Variants in MAST4 observed in about 807,000 individuals in gnomAD.
MAST4 encodes the protein microtubule associated serine/threonine kinase family member 4.
MAST4 carries 89 observed loss-of-function variants against 162.7 expected under a neutral mutation model. That is an observed-to-expected ratio of 0.55 (90% confidence interval 0.46 to 0.65). The LOEUF is 0.65. Among genes scored for constraint, MAST4 ranks in the 30% least tolerant of loss-of-function variants. The probability of loss-of-function intolerance (pLI) is 0.00; values close to 1 mark genes in which losing one functional copy is unlikely to be tolerated. For missense variants in MAST4, 3,153 were observed against 3,374.0 expected (o/e 0.93, Z 1.62); for synonymous variants, 1,479 against 1,361.1 (o/e 1.09, Z -1.91).
chr5:66,723,279 T>A (rs1003068554), intron 1 of MAST4, among the ~76,000 whole-genome samples: 23 of 152,182 alleles, frequency 1.5e-4, no homozygotes, highest in Non-Finnish European at 2.9e-5. Context: ...GGTTCTTCTT[T>A]CTATTAGTAA....
intron 3 of MAST4, among the ~76,000 whole-genome samples, chr5:66,856,973 A>G (rs1759732967): frequency 6.6e-6 from 1 of 152,236 alleles, no homozygotes; most frequent in Non-Finnish European, 1.5e-5. Flanking sequence ...TTTTCTTCAG[A>G]GAGTACTCTT....
Position 67,095,830 on chromosome 5 carries a change from A to C in MAST4, c.912+155A>C, listed in dbSNP as rs1222918602. ...AAGTGACACATCAAATGATGGCCTG[A>C]CAAAAATAAAAAGGACATACTTTCG... On this transcript the variant is annotated intron_variant, in intron 7 of 28. Transcript: ENST00000403625. Among the ~76,000 whole-genome samples, 5 of 152,184 alleles carry C rather than the reference A, an allele frequency of 3.3e-5. No homozygotes were observed. The East Asian group carries it at 9.6e-4, about 29-fold the overall frequency.
At chr5:66,894,982 G>A (rs944882644) in intron 3 of MAST4, among the ~76,000 whole-genome samples, 1 of 152,150 alleles carries the variant, frequency 6.6e-6, no homozygotes, top group African/African-American at 2.4e-5. Context: ...TGTGGGGGCA[G>A]TTAGAGATTC....
intron 19 of MAST4, among the ~76,000 whole-genome samples, chr5:67,140,649 C>T (rs911724736): frequency 2.6e-5 from 4 of 152,210 alleles, no homozygotes; most frequent in South Asian, 2.1e-4. Flanking sequence ...TCGTGGTCCA[C>T]GGTGCTTTAT....
intron 19 of MAST4, among the ~76,000 whole-genome samples, chr5:67,140,594 T>G (rs1342475252): frequency 6.6e-6 from 1 of 152,240 alleles, no homozygotes; most frequent in Non-Finnish European, 1.5e-5. Context: ...TTGGGTGTTT[T>G]TAGGCAGGCC....
chr5:66,727,310 T>C (rs1175528632), intron 1 of MAST4, among the ~76,000 whole-genome samples: 1 of 152,198 alleles, frequency 6.6e-6, no homozygotes, highest in Non-Finnish European at 1.5e-5. Context: ...TTCCATTCTA[T>C]TTCAATTTCT....
intron 1 of MAST4, among the ~76,000 whole-genome samples, chr5:66,607,700 G>A (rs1431033942): frequency 6.6e-6 from 1 of 152,136 alleles, no homozygotes; most frequent in African/African-American, 2.4e-5. Flanking sequence ...TTGGCTTCTT[G>A]CTAGGCAAGT....
chr5:67,090,379 C>T (rs1489507286), intron 6 of MAST4, 148 bp downstream of exon 6: 2 of 382,424 alleles, frequency 5.2e-6, no homozygotes, highest in African/African-American at 6.2e-5. Context: ...CCCCTTCTGC[C>T]CCTCCCCACT....
intron 1 of MAST4, among the ~76,000 whole-genome samples, chr5:66,644,781 A>G (rs945096871): frequency 2.0e-5 from 3 of 149,190 alleles, no homozygotes; most frequent in Non-Finnish European, 4.4e-5. Context: ...GAAATTAGAT[A>G]AGATGTCATG....
At position 66,907,158 on chromosome 5, in the gene MAST4, C is replaced by CGAGAGAGA. The variant is rs34963439; in HGVS notation, c.674+7218_674+7225dup. Among the ~76,000 whole-genome samples the CGAGAGAGA allele has an allele frequency of 4.2e-3, 443 of 104,324 alleles. 22 individuals carry two copies. Among genetic ancestry groups the CGAGAGAGA allele is most frequent in the Non-Finnish European group, 4.8e-3 (250 of 52,024 alleles). The allele number at this position is 104,324 out of a possible 152,430, so 68.4% of individuals were successfully genotyped here. On this transcript the variant is annotated intron_variant, in intron 4 of 28. Coordinates refer to ENST00000403625, the MANE Select transcript of MAST4 (RefSeq NM_001164664.2). Reference sequence around the variant, plus strand: ...AAAGGAAAAATAACTCTCAGCAAAGCGAGAGAGAGAGAGAGAGAGAGAGAG... The same window carrying CGAGAGAGA: ...AAAGGAAAAATAACTCTCAGCAAAGCGAGAGAGAGAGAGAGAGAGAGAGAGAGAGAGAG...
At chr5:66,850,107 G>C (rs1201831097) in intron 3 of MAST4, among the ~76,000 whole-genome samples, 4 of 152,112 alleles carry the variant, frequency 2.6e-5, no homozygotes, top group African/African-American at 7.2e-5. Context: ...TATTGCCTCT[G>C]TAACTCCTCC....
At chr5:66,808,340 C>T (rs1381614075) in intron 3 of MAST4, among the ~76,000 whole-genome samples, 1 of 152,200 alleles carries the variant, frequency 6.6e-6, no homozygotes, top group African/African-American at 2.4e-5. Context: ...GCAGGCTGGG[C>T]AGCCCCTCTG....
rs114757838 is a variant in MAST4, at chr5:67,153,733, C to A, written c.3648+153C>A. On this transcript the variant is annotated intron_variant, in intron 26 of 28. Coordinates refer to ENST00000403625, the MANE Select transcript of MAST4 (RefSeq NM_001164664.2). Reference sequence around the variant, plus strand: ...TTTAAAGACAAAGATATTATGAATTCTCTGGTTTTATGTCATGAAATAATG... The same window carrying A: ...TTTAAAGACAAAGATATTATGAATTATCTGGTTTTATGTCATGAAATAATG... Among the ~76,000 whole-genome samples the A allele has an allele frequency of 2.6e-3, 396 of 152,294 alleles. 1 individual carries two copies. The highest frequency in any genetic ancestry group is 4.9e-3 in the Non-Finnish European group (333 of 68,020).
intron 4 of MAST4, among the ~76,000 whole-genome samples, chr5:66,989,711 T>A (rs1429265394): frequency 6.6e-6 from 1 of 152,164 alleles, no homozygotes; most frequent in Non-Finnish European, 1.5e-5. Flanking sequence ...TAAGCAAAAT[T>A]TTTTTTCAAT....
intron 4 of MAST4, among the ~76,000 whole-genome samples, chr5:66,994,224 A>G (rs923412984): frequency 6.6e-6 from 1 of 151,964 alleles, no homozygotes; most frequent in Non-Finnish European, 1.5e-5. Flanking sequence ...ATGAAAATCT[A>G]TTGTTCCTTT....
chr5:66,830,041 C>G (rs1234726511), intron 3 of MAST4, among the ~76,000 whole-genome samples: 1 of 152,134 alleles, frequency 6.6e-6, no homozygotes, highest in Non-Finnish European at 1.5e-5. Context: ...TCTTTGTTTT[C>G]ATCACCTCTA....
chr5:66,598,155 C>T (rs1742321516), intron 1 of MAST4, among the ~76,000 whole-genome samples: 2 of 152,172 alleles, frequency 1.3e-5, no homozygotes, highest in Non-Finnish European at 2.9e-5. Flanking sequence ...GAGGCGAGTC[C>T]TAGCTTGGCA....
intron 1 of MAST4, among the ~76,000 whole-genome samples, chr5:66,729,229 AATAGT>A (rs977963098): frequency 4.2e-4 from 64 of 152,332 alleles, no homozygotes; most frequent in African/African-American, 1.5e-3. Flanking sequence ...TTTGAGTAAG[AATAGT>A]ATAGCTTTTA....
intron 10 of MAST4, among the ~76,000 whole-genome samples, chr5:67,108,975 AG>A (rs1239007718): frequency 6.6e-6 from 1 of 152,176 alleles, no homozygotes; most frequent in Non-Finnish European, 1.5e-5. Context: ...AGAGCCTAAA[AG>A]TGAACATACA....
Sources: gnomAD v4.1 joint callset for allele counts (sites outside exome capture counted in the v4.1 genomes callset) on GRCh38, gnomAD v4.1.1 for gene constraint, MANE v1.5 for transcripts, NCBI Gene and HGNC (gene_info 2026-07-23, HGNC 2026-07-21) for gene names.